UBE2G2: variants seen among roughly 807,000 people sequenced by gnomAD.
The protein encoded by UBE2G2 is ubiquitin-conjugating enzyme E2 G2.
Under a neutral mutation model 23.0 loss-of-function variants are expected in UBE2G2, and 10 were observed. The observed-to-expected ratio is 0.43, with a 90% CI of 0.27 to 0.74. The LOEUF is 0.74. UBE2G2 is among the 30% of genes least tolerant of loss of function. UBE2G2 has a pLI of 0.19. For synonymous variants in UBE2G2, 86 were observed against 81.3 expected (o/e 1.06, Z -0.31); for missense variants, 150 against 218.3 (o/e 0.69, Z 1.97).
intron 1 of UBE2G2, among the ~76,000 whole-genome samples, chr21:44,794,291 T>C (rs1215466008): frequency 6.6e-6 from 1 of 152,210 alleles, no homozygotes; most frequent in African/African-American, 2.4e-5. Flanking sequence ...ACAACTGCAC[T>C]GCCATTTACA....
intron 3 of UBE2G2, chr21:44,779,308 T>C (rs1411351190): frequency 6.0e-6 from 2 of 334,938 alleles, no homozygotes; most frequent in Admixed American, 4.3e-5. Flanking sequence ...TTCTGAAAAC[T>C]GTCTTTGCTA....
rs4818975 is a variant in UBE2G2 at position 44,771,341 on chromosome 21, C to A, written c.*36G>T. On this transcript the variant is annotated 3_prime_UTR_variant, in exon 6 of 6. Coordinates refer to ENST00000345496, the MANE Select transcript of UBE2G2 (RefSeq NM_003343.6). The surrounding 1 kb of genome is among the most constrained non-coding windows in gnomAD (Gnocchi z 4.6). The stretch of plus-strand genomic sequence containing the variant: ...TGTGCCGGGGGAGAATGCTGAGCTG[C>A]TTGGCGGTGTGTGCGCGCCTGTGCG... The A allele has an allele frequency of 0.42, 661,759 of 1,588,446 alleles. 142,590 individuals are homozygous for A. The highest frequency in any genetic ancestry group is 0.47 in the South Asian group (42,134 of 90,602).
chr21:44,801,255 C>T, intron 1 of UBE2G2: 1 of 980,622 alleles, frequency 1.0e-6, no homozygotes, highest in South Asian at 4.5e-5. Flanking sequence ...AACCCTTTTC[C>T]TTCATTAGAG....
Position 44,801,793 on chromosome 21 carries a change from C to T in UBE2G2, c.-45G>A, listed in dbSNP as rs1555964939. 2.3e-5 allele frequency: 35 copies of T among 1,501,990 alleles called. No individual in the cohort carries two copies. The highest frequency in any genetic ancestry group is 4.5e-5 in the Admixed American group (2 of 44,406). 93.0% of individuals were successfully genotyped at this position (1,501,990 alleles called of 1,614,324 possible). On this transcript the variant is annotated 5_prime_UTR_variant, in exon 1 of 6. Transcript: ENST00000345496. Reference sequence around the variant, plus strand: ...CGAGCGACCTCGCCTCAGCCGCGCGCGTGCCTCCTGCCCCGACACCGGGGA... The same window carrying T: ...CGAGCGACCTCGCCTCAGCCGCGCGTGTGCCTCCTGCCCCGACACCGGGGA...
intron 3 of UBE2G2, among the ~76,000 whole-genome samples, chr21:44,778,777 C>T (rs1334634597): frequency 2.6e-5 from 4 of 152,158 alleles, no homozygotes; most frequent in South Asian, 2.1e-4. Flanking sequence ...ACCCGTTCTC[C>T]GTCTACGAAC....
rs1301323187 is a variant in UBE2G2, at chr21:44,768,835, TCA to T, written c.*2540_*2541del. 7 of 152,224 alleles carry T rather than the reference TCA, an allele frequency of 4.6e-5. No homozygotes were observed. The highest frequency in any genetic ancestry group is 1.7e-4 in the African/African-American group (7 of 41,456). The allele number at this position is 152,224 out of a possible 1,614,324, so 9.4% of individuals were successfully genotyped here. ...TTATAGGTTAGTGAACACATCCGTC[TCA>T]CAGACCCCAACTAACCTGAGAATTC... On this transcript the variant is annotated 3_prime_UTR_variant, in exon 6 of 6. Coordinates refer to ENST00000345496, the MANE Select transcript of UBE2G2 (RefSeq NM_003343.6).
intron 3 of UBE2G2, 90 bp downstream of exon 3, chr21:44,787,824 AGCTGAT>A: frequency 7.1e-7 from 1 of 1,416,412 alleles, no homozygotes; most frequent in Non-Finnish European, 9.7e-7. Context: ...TCTTTTTTCC[AGCTGAT>A]GCTTTTGGAC....
rs947077440 is a variant in UBE2G2, at chr21:44,772,091, G to A, written c.386-602C>T. Among the ~76,000 whole-genome samples, 2 of 152,260 alleles carry A rather than the reference G, an allele frequency of 1.3e-5. No homozygotes were observed. Among genetic ancestry groups the A allele is most frequent in the African/African-American group, 2.4e-5 (1 of 41,468 alleles). On this transcript the variant is annotated intron_variant, in intron 5 of 5. Transcript: ENST00000345496. This position sits in a 1 kb window ranked among gnomAD's most constrained non-coding sequence, Gnocchi z 5.4. ...GCCAGGGCCTGCCGGAAGGCAGAAC[G>A]GAGAGAGACCACCAGAACTGGATGA... is the stretch of plus-strand genomic sequence containing the variant.
Position 44,790,913 on chromosome 21 carries a change from G to A in UBE2G2, c.44-2818C>T, listed in dbSNP as rs782058449. 2.4e-4 allele frequency among the ~76,000 whole-genome samples: 37 copies of A among 152,224 alleles called. 1 individual carries two copies. The highest frequency in any genetic ancestry group is 4.8e-4 in the Non-Finnish European group (33 of 68,042). ...AGGGCTTAGAAGAAGGAAGATGTGG[G>A]AAAGTCTGGAACTTCCTAGAGACTT... On this transcript the variant is annotated intron_variant, in intron 1 of 5. Transcript: ENST00000345496.
intron 1 of UBE2G2, chr21:44,801,399 C>T (rs782218615): frequency 7.4e-5 from 88 of 1,194,734 alleles, no homozygotes; most frequent in Non-Finnish European, 9.0e-5. Context: ...GTTCTCAAGG[C>T]TGCCAAGAAA....
At chr21:44,773,112 G>A (rs904764683) in intron 5 of UBE2G2, among the ~76,000 whole-genome samples, 9 of 152,038 alleles carry the variant, frequency 5.9e-5, no homozygotes, top group Admixed American at 4.6e-4. Context: ...AGCCCCACCA[G>A]GAAGTGGCCC....
At chr21:44,788,541 G>C (rs188898608) in intron 1 of UBE2G2, among the ~76,000 whole-genome samples, 1 of 151,986 alleles carries the variant, frequency 6.6e-6, no homozygotes, top group African/African-American at 2.4e-5. Context: ...CGCCAGCCTC[G>C]GCCTCCCAAA....
chr21:44,796,864 T>C (rs1459232784), intron 1 of UBE2G2, among the ~76,000 whole-genome samples: 2 of 152,230 alleles, frequency 1.3e-5, no homozygotes, highest in Admixed American at 1.3e-4. Flanking sequence ...CCTTAGGTCA[T>C]GGCTCCTTCT....
chr21:44,788,088 T>C lies in UBE2G2; in HGVS notation c.51A>G (p.Thr17=), dbSNP rs372741988. 3.7e-6 allele frequency: 6 copies of C among 1,604,050 alleles called. No individual in the cohort carries two copies. The highest frequency in any genetic ancestry group is 5.1e-6 in the Non-Finnish European group (6 of 1,176,458). The change falls in exon 2 of 6, where the codon ACA becomes ACG. Residue 17 remains threonine, a synonymous_variant. Transcript: ENST00000345496. ...CTACAATTCCTTCCGGAGGATTCAG[T>C]GTTAATTCTATAAAATTAATAAGTA... ...KRLMAEYKQL[T]LNPPEGIVAG... is the part of the protein sequence containing the mutation.
In UBE2G2 at chr21:44,773,808, ACAGCTGGGGCATAGCCTGGGGCCCTGAG is replaced by A. The variant is rs1569292828; in HGVS notation, c.245-149_245-122del. 47 of 1,371,680 alleles carry A rather than the reference ACAGCTGGGGCATAGCCTGGGGCCCTGAG, an allele frequency of 3.4e-5. No homozygotes were observed. The Admixed American group carries it at 8.9e-4, about 26-fold the overall frequency. The allele number at this position is 1,371,680 out of a possible 1,614,324, so 85.0% of individuals were successfully genotyped here. On this transcript the variant is annotated intron_variant, in intron 4 of 5. Coordinates refer to ENST00000345496, the MANE Select transcript of UBE2G2 (RefSeq NM_003343.6). ...CAGACACAGCAACCAAGCTGTTTGCACAGCTGGGGCATAGCCTGGGGCCCTGAGTGTCACGCTTCATGTCTGCAGGAAT... is the reference window on the plus strand; with the variant it reads ...CAGACACAGCAACCAAGCTGTTTGCATGTCACGCTTCATGTCTGCAGGAAT...
intron 1 of UBE2G2, among the ~76,000 whole-genome samples, 192 bp from the exon 2 acceptor site, chr21:44,788,287 GT>G (rs71326069): frequency 6.6e-5 from 9 of 135,608 alleles, no homozygotes; most frequent in East Asian, 4.1e-4. Context: ...AAGTTTTTTT[GT>G]TTTTTTTTTG....
At chr21:44,787,716 G>A (rs1417876172) in intron 3 of UBE2G2, among the ~76,000 whole-genome samples, 9 of 152,122 alleles carry the variant, frequency 5.9e-5, no homozygotes, top group Admixed American at 5.9e-4. Context: ...CCTTTGACTG[G>A]CTCTAAGGAA....
chr21:44,791,840 G>A (rs2083047534), intron 1 of UBE2G2, among the ~76,000 whole-genome samples: 2 of 151,946 alleles, frequency 1.3e-5, no homozygotes, highest in Non-Finnish European at 2.9e-5. Flanking sequence ...TGCCCACCAT[G>A]AAAGTAGCTG....
At chr21:44,786,152 C>T (rs7364120) in intron 3 of UBE2G2, among the ~76,000 whole-genome samples, 60,189 of 152,080 alleles carry the variant, frequency 0.4, 13,281 homozygotes, top group East Asian at 0.68. Context: ...ACTCTGGGCC[C>T]CTGCAGCAGG....
Sources: gnomAD v4.1 joint callset for allele counts (sites outside exome capture counted in the v4.1 genomes callset) on GRCh38, gnomAD v4.1.1 for gene constraint, Gnocchi (gnomAD v3.1) non-coding constraint, MANE v1.5 for transcripts, NCBI Gene and HGNC (gene_info 2026-07-23, HGNC 2026-07-21) for gene names.